FIGLA: variants seen among roughly 807,000 people sequenced by gnomAD.
FIGLA encodes factor in the germline alpha.
In FIGLA, 17 loss-of-function variants were observed where a neutral mutation model predicts 21.5. The ratio of observed to expected loss-of-function variants is 0.79; its 90% CI spans 0.54 to 1.19. The LOEUF (loss-of-function observed/expected upper bound fraction) is 1.19. FIGLA is among the 50% of genes most tolerant of loss of function. The pLI is 0.00. For missense variants in FIGLA, 282 were observed against 285.0 expected, an observed-to-expected ratio of 0.99 and a Z score of 0.08; for synonymous variants, 129 against 117.6, an observed-to-expected ratio of 1.10 and a Z score of -0.63.
At chr2:70,778,188 A>C (rs1553388608) in intron 3 of FIGLA, among the ~76,000 whole-genome samples, 1 of 152,224 alleles carries the variant, frequency 6.6e-6, no homozygotes, top group Non-Finnish European at 1.5e-5. Context: ...GTTAAAAAGG[A>C]CTTAACACTA....
chr2:70,777,495 T>G, intron 4 of FIGLA, 113 bp from the exon 5 acceptor site: 1 of 1,376,648 alleles, frequency 7.3e-7, no homozygotes, highest in African/African-American at 1.5e-5. Flanking sequence ...ATGTTTAAAT[T>G]TAAAGATACT....
intron 1 of FIGLA, 87 bp from the exon 2 acceptor site, chr2:70,787,888 G>T: frequency 7.2e-7 from 1 of 1,388,872 alleles, no homozygotes; most frequent in Non-Finnish European, 9.9e-7. Flanking sequence ...TGTTTCCACT[G>T]CCTCCTTGTC....
At chr2:70,787,065 TCA>T (rs1303969984) in intron 2 of FIGLA, among the ~76,000 whole-genome samples, 1 of 152,204 alleles carries the variant, frequency 6.6e-6, no homozygotes, top group African/African-American at 2.4e-5. Context: ...CTGAGCTATC[TCA>T]CTCTCATAAT....
intron 3 of FIGLA, among the ~76,000 whole-genome samples, chr2:70,778,549 A>C (rs6715665): frequency 5.9e-5 from 9 of 152,024 alleles, no homozygotes; most frequent in African/African-American, 1.4e-4. Flanking sequence ...AATTCATATA[A>C]ATTTACCTGA....
intron 2 of FIGLA, among the ~76,000 whole-genome samples, chr2:70,786,193 G>A (rs184086408): frequency 1.8e-4 from 27 of 147,132 alleles, no homozygotes; most frequent in African/African-American, 6.3e-4. Context: ...TTTCTACATA[G>A]GAAAGACCTT....
intron 1 of FIGLA, among the ~76,000 whole-genome samples, chr2:70,789,869 G>A (rs1310366478): frequency 6.6e-6 from 1 of 152,178 alleles, no homozygotes; most frequent in Non-Finnish European, 1.5e-5. Flanking sequence ...TGACAGAGTT[G>A]AGTGGGAGTC....
intron 1 of FIGLA, among the ~76,000 whole-genome samples, chr2:70,790,037 AC>A (rs1380563595): frequency 6.6e-6 from 1 of 152,146 alleles, no homozygotes; most frequent in Non-Finnish European, 1.5e-5. Context: ...CCAAGCACCC[AC>A]CAGCGCCTAC....
At chr2:70,788,586 T>C (rs936659427) in intron 1 of FIGLA, among the ~76,000 whole-genome samples, 11 of 152,186 alleles carry the variant, frequency 7.2e-5, no homozygotes, top group Non-Finnish European at 5.9e-5. Flanking sequence ...CCAATATATA[T>C]TGAGTATATC....
chr2:70,784,839 C>T (rs1675915642), intron 3 of FIGLA, among the ~76,000 whole-genome samples: 1 of 151,962 alleles, frequency 6.6e-6, no homozygotes, highest in Non-Finnish European at 1.5e-5. Context: ...GAGAAGCATG[C>T]TGCCACTTCC....
At chr2:70,788,296 G>C in intron 1 of FIGLA, among the ~76,000 whole-genome samples, 1 of 152,186 alleles carries the variant, frequency 6.6e-6, no homozygotes, top group East Asian at 1.9e-4. Context: ...CACATAGAAA[G>C]TCCTCAAGAA....
intron 3 of FIGLA, among the ~76,000 whole-genome samples, chr2:70,780,102 G>A (rs186648019): frequency 6.6e-6 from 1 of 152,106 alleles, no homozygotes; most frequent in Non-Finnish European, 1.5e-5. Context: ...TTCATTCCCC[G>A]AGTGAACTTC....
At chr2:70,789,494 G>A (rs1676018503) in intron 1 of FIGLA, among the ~76,000 whole-genome samples, 2 of 152,224 alleles carry the variant, frequency 1.3e-5, no homozygotes, top group South Asian at 2.1e-4. Context: ...ACTTAAAGAA[G>A]TCTCCTACTC....
chr2:70,786,318 G>C (rs368387067), intron 2 of FIGLA, among the ~76,000 whole-genome samples: 1 of 141,680 alleles, frequency 7.1e-6, no homozygotes, highest in Non-Finnish European at 1.5e-5. Context: ...TCTTTTTTTT[G>C]GGGGGGGACA....
chr2:70,790,604 G>A lies in FIGLA; in HGVS notation c.35C>T (p.Ala12Val). The A allele has an allele frequency of 2.0e-6, 3 of 1,467,844 alleles. No individual in the cohort carries two copies. Among genetic ancestry groups the A allele is most frequent in the East Asian group, 2.8e-5 (1 of 35,194 alleles). The allele number at this position is 1,467,844 out of a possible 1,614,324, so 90.9% of individuals were successfully genotyped here. The change falls in exon 1 of 5, where the codon GCC becomes GTC. Residue 12 changes from alanine (A) to valine (V), a missense_variant. Ala to Val is a moderately conservative substitution (Grantham distance 64, BLOSUM62 0). Transcript: ENST00000332372. The stretch of plus-strand genomic sequence containing the variant: ...GGTGCCCAGGAGCGCGGGCGGCGCG[G>A]CGCGGGGATCTAGGACGCCGGGCGC... ...DPAPGVLDPR[A>V]APPALLGTPQ...
chr2:70,784,616 C>A (rs4241242), intron 3 of FIGLA, among the ~76,000 whole-genome samples: 94,930 of 151,982 alleles, frequency 0.62, 30,404 homozygotes, highest in East Asian at 0.91. Context: ...CTGCTCGCCT[C>A]AACTGCCTCC....
chr2:70,780,506 A>C (rs913766603), intron 3 of FIGLA, among the ~76,000 whole-genome samples: 1 of 152,178 alleles, frequency 6.6e-6, no homozygotes, highest in Non-Finnish European at 1.5e-5. Flanking sequence ...TTTGTCAAAT[A>C]AAGGTCAGCC....
intron 1 of FIGLA, among the ~76,000 whole-genome samples, chr2:70,788,335 ACAAATACTTGT>A (rs56108674): frequency 0.54 from 81,226 of 151,710 alleles, 22,816 homozygotes; most frequent in East Asian, 0.74. Flanking sequence ...AATCAAATGT[ACAAATACTTGT>A]CAACTCAAGC....
chr2:70,779,102 A>G (rs1220001612), intron 3 of FIGLA, among the ~76,000 whole-genome samples: 2 of 152,218 alleles, frequency 1.3e-5, no homozygotes, highest in African/African-American at 4.8e-5. Context: ...TCCCAGGGCT[A>G]TAAATGCAGT....
intron 3 of FIGLA, among the ~76,000 whole-genome samples, chr2:70,781,141 G>A (rs565725083): frequency 2.0e-5 from 3 of 152,318 alleles, no homozygotes; most frequent in South Asian, 2.1e-4. Flanking sequence ...GGGGACCGGC[G>A]TGGAACGTCA....
Sources: allele counts gnomAD v4.1 joint callset (sites outside exome capture counted in the v4.1 genomes callset), GRCh38; gene constraint gnomAD v4.1.1; transcripts MANE v1.5; gene names NCBI Gene and HGNC (gene_info 2026-07-23, HGNC 2026-07-21).